Variants in DTNA observed in about 807,000 individuals in gnomAD.
DTNA encodes dystrophin-related protein 3.
DTNA carries 43 observed loss-of-function variants against 100.7 expected under a neutral mutation model. The ratio of observed to expected loss-of-function variants is 0.43; its 90% confidence interval spans 0.33 to 0.55. The LOEUF (loss-of-function observed/expected upper bound fraction) is 0.55, where lower values mean the gene tolerates loss of function less well. Ranked by LOEUF, DTNA falls within the 20% of genes least tolerant of loss-of-function variation. The probability of loss-of-function intolerance (pLI) is 0.04; values close to 1 mark genes in which losing one functional copy is unlikely to be tolerated. For missense variants in DTNA, 798 were observed against 953.9 expected (o/e 0.84, Z 2.15); for synonymous variants, 349 against 347.9 (o/e 1.00, Z -0.04).
chr18:34,682,824 T>C (rs963310982), intron 1 of DTNA, among the ~76,000 whole-genome samples: 1 of 152,140 alleles, frequency 6.6e-6, no homozygotes, highest in African/African-American at 2.4e-5. Flanking sequence ...CTTCAAGGTT[T>C]GTTTTTTTAA....
intron 1 of DTNA, chr18:34,755,764 C>A: frequency 1.9e-6 from 1 of 524,014 alleles, no homozygotes; most frequent in South Asian, 2.2e-5. Context: ...AAATTTTATC[C>A]CCCCTCCAAC....
At chr18:34,567,528 T>G (rs568848136) in intron 1 of DTNA, among the ~76,000 whole-genome samples, 5 of 152,234 alleles carry the variant, frequency 3.3e-5, no homozygotes, top group South Asian at 2.1e-4. Flanking sequence ...GTATACAGAT[T>G]GATAAGAAAT....
intron 1 of DTNA, among the ~76,000 whole-genome samples, chr18:34,515,733 C>T (rs1319346751): frequency 1.3e-5 from 2 of 152,032 alleles, no homozygotes; most frequent in Non-Finnish European, 2.9e-5. Flanking sequence ...AAATGCTGTC[C>T]CAAAACCACC....
chr18:34,571,518 A>G (rs2047587483), intron 1 of DTNA, among the ~76,000 whole-genome samples: 1 of 152,050 alleles, frequency 6.6e-6, no homozygotes, highest in African/African-American at 2.4e-5. Context: ...AAGCAGGAGG[A>G]TGGCTTGAGA....
At chr18:34,570,963 CCATGTAT>C (rs1162215408) in intron 1 of DTNA, among the ~76,000 whole-genome samples, 3 of 152,156 alleles carry the variant, frequency 2.0e-5, no homozygotes, top group Non-Finnish European at 4.4e-5. Flanking sequence ...TGAGTATTTA[CCATGTAT>C]CAGGCACAGT....
chr18:34,836,684 G>A (rs1029812610), intron 11 of DTNA, among the ~76,000 whole-genome samples: 18 of 151,408 alleles, frequency 1.2e-4, no homozygotes, highest in African/African-American at 4.4e-4. Context: ...ATTTTGTTGG[G>A]TACAGTTGAA....
intron 14 of DTNA, among the ~76,000 whole-genome samples, chr18:34,850,066 T>C (rs1432016551): frequency 6.6e-6 from 1 of 152,236 alleles, no homozygotes; most frequent in Non-Finnish European, 1.5e-5. Flanking sequence ...ATAGGAAAGA[T>C]ACCGTCCACA....
intron 1 of DTNA, among the ~76,000 whole-genome samples, chr18:34,690,487 A>G (rs2079595684): frequency 6.6e-6 from 1 of 152,112 alleles, no homozygotes; most frequent in Non-Finnish European, 1.5e-5. Flanking sequence ...AGTCCCATTG[A>G]GATGAACTGG....
chr18:34,701,635 G>C (rs552730279), intron 1 of DTNA, among the ~76,000 whole-genome samples: 2 of 152,166 alleles, frequency 1.3e-5, no homozygotes, highest in South Asian at 4.1e-4. Flanking sequence ...ATTCAAAACT[G>C]TTCCTGGCAC....
At chr18:34,849,793 C>T (rs746032874) in intron 14 of DTNA, among the ~76,000 whole-genome samples, 2 of 152,214 alleles carry the variant, frequency 1.3e-5, no homozygotes, top group Non-Finnish European at 2.9e-5. Flanking sequence ...GGAGTGGAGG[C>T]ATTACTCTGC....
intron 6 of DTNA, 92 bp from the exon 7 acceptor site, chr18:34,815,817 T>C: frequency 8.8e-7 from 1 of 1,138,074 alleles, no homozygotes; most frequent in Non-Finnish European, 1.3e-6. Context: ...TTGAGTGCTC[T>C]TTTGTTTCAG....
At chr18:34,656,946 G>A (rs890225081) in intron 1 of DTNA, among the ~76,000 whole-genome samples, 1 of 151,762 alleles carries the variant, frequency 6.6e-6, no homozygotes, top group African/African-American at 2.4e-5. Context: ...GCATGATCTC[G>A]GCTCACTGCA....
chr18:34,555,964 G>A (rs1232392302), intron 1 of DTNA, among the ~76,000 whole-genome samples: 1 of 150,106 alleles, frequency 6.7e-6, no homozygotes, highest in Admixed American at 6.6e-5. Context: ...AATGTTGACA[G>A]TGGGGTGTTA....
chr18:34,510,683 G>GAATCATC (rs1237897242), intron 1 of DTNA, among the ~76,000 whole-genome samples: 3 of 139,314 alleles, frequency 2.2e-5, no homozygotes, highest in African/African-American at 8.2e-5. Context: ...ACCTGCATCA[G>GAATCATC]AATCATCTGG....
Position 34,818,515 on chromosome 18 carries a change from A to G in DTNA, c.876+185A>G. The G allele has an allele frequency of 3.4e-6, 5 of 1,481,298 alleles. No individual in the cohort carries two copies. In the South Asian group the frequency reaches 6.6e-5, roughly 20 times the overall value. The allele number at this position is 1,481,298 out of a possible 1,614,324, so 91.8% of individuals were successfully genotyped here. A position where few individuals can be genotyped will look rare whatever the true frequency, so the allele number is the denominator to read the frequency against. On this transcript the variant is annotated intron_variant, in intron 8 of 22. Coordinates refer to ENST00000444659, the MANE Select transcript of DTNA (RefSeq NM_001386795.1). The stretch of plus-strand genomic sequence containing the variant: ...GCTCTTACTTATTCTGTTGGAACCC[A>G]GTGTAGCTTCCTGAGATTTAAAATA...
At position 34,734,198 on chromosome 18, in the gene DTNA, T is replaced by A. The variant is rs940867327; in HGVS notation, c.-1-21778T>A. ...TGGCTCCTCAGGAGAATCAACATTA[T>A]CTTGCTTGACAACTGCCTCAGGAGA... On this transcript the variant is annotated intron_variant, in intron 1 of 22. Transcript: ENST00000444659. Among the ~76,000 whole-genome samples the A allele has an allele frequency of 2.0e-5, 3 of 152,270 alleles. No homozygotes were observed. The East Asian group carries it at 5.8e-4, about 29-fold the overall frequency.
intron 4 of DTNA, among the ~76,000 whole-genome samples, chr18:34,803,602 A>T (rs545518527): frequency 6.6e-6 from 1 of 152,270 alleles, no homozygotes; most frequent in African/African-American, 2.4e-5. Context: ...TTTGAGGGCC[A>T]CATTATTGCT....
chr18:34,782,297 G>A (rs907928938), intron 3 of DTNA, among the ~76,000 whole-genome samples: 4 of 152,162 alleles, frequency 2.6e-5, no homozygotes, highest in African/African-American at 9.7e-5. Flanking sequence ...TTACCCCCAC[G>A]TATCTTCTGG....
intron 9 of DTNA, chr18:34,821,141 G>A (rs1242951999): frequency 1.5e-6 from 1 of 677,212 alleles, no homozygotes; most frequent in Admixed American, 2.1e-5. Context: ...AATTCACCTG[G>A]AGGTGGAAAA....
Sources: allele counts gnomAD v4.1 joint callset (sites outside exome capture counted in the v4.1 genomes callset), GRCh38; gene constraint gnomAD v4.1.1; transcripts MANE v1.5; gene names NCBI Gene and HGNC (gene_info 2026-07-23, HGNC 2026-07-21).